Variants in ABHD2 observed in about 807,000 individuals in gnomAD.
ABHD2 encodes abhydrolase domain containing 2, acylglycerol lipase, also known as monoacylglycerol lipase ABHD2.
ABHD2 carries 20 observed loss-of-function variants against 48.1 expected under a neutral mutation model. The ratio of observed to expected loss-of-function variants is 0.42; its 90% CI spans 0.29 to 0.60. The LOEUF (loss-of-function observed/expected upper bound fraction) is 0.60. Among genes scored for constraint, ABHD2 ranks in the 20% least tolerant of loss-of-function variants. The pLI is 0.24. For missense variants in ABHD2, 405 were observed against 550.9 expected (o/e 0.74, Z 2.65); for synonymous variants, 209 against 214.2 (o/e 0.98, Z 0.21).
At chr15:89,125,496 A>G (rs911615935) in intron 3 of ABHD2, among the ~76,000 whole-genome samples, 1 of 152,376 alleles carries the variant, frequency 6.6e-6, no homozygotes, top group East Asian at 1.9e-4. Flanking sequence ...AGGCAATTTC[A>G]TCTTAAAATT....
In ABHD2 at chr15:89,103,136, C is replaced by T. The variant is rs565026181; in HGVS notation, c.-106-10589C>T. Among the ~76,000 whole-genome samples the T allele has an allele frequency of 1.6e-3, 243 of 152,334 alleles. 3 individuals are homozygous for T. Among genetic ancestry groups the T allele is most frequent in the African/African-American group, 5.5e-3 (230 of 41,572 alleles). On this transcript the variant is annotated intron_variant, in intron 1 of 10. Coordinates refer to ENST00000352732, the MANE Select transcript of ABHD2 (RefSeq NM_152924.5). ...TTTAGTTTTTAGATCATTCGGTATC[C>T]TCAATGCAAAGATGTGATAAAGTCA...
At chr15:89,131,236 G>A (rs978438636) in intron 3 of ABHD2, among the ~76,000 whole-genome samples, 4 of 152,148 alleles carry the variant, frequency 2.6e-5, no homozygotes, top group African/African-American at 4.8e-5. Flanking sequence ...TATTCCTTGT[G>A]TTCTAGACAC....
intron 3 of ABHD2, among the ~76,000 whole-genome samples, chr15:89,141,343 A>G (rs1263568467): frequency 6.6e-6 from 1 of 152,082 alleles, no homozygotes; most frequent in Non-Finnish European, 1.5e-5. Flanking sequence ...CACTATAAAA[A>G]CAGAACGGCC....
In ABHD2 at chr15:89,147,974, G is replaced by A. The variant is rs116674858; in HGVS notation, c.195-3703G>A. On this transcript the variant is annotated intron_variant, in intron 3 of 10. Coordinates refer to ENST00000352732, the MANE Select transcript of ABHD2 (RefSeq NM_152924.5). ...TCTACTAAGAATACAAAAATCAGCC[G>A]GGCGTGATGACATGCGTGCCTGTAA... 6.8e-4 allele frequency among the ~76,000 whole-genome samples: 103 copies of A among 151,356 alleles called. 1 individual carries two copies. The highest frequency in any genetic ancestry group is 2.2e-3 in the African/African-American group (93 of 41,376).
chr15:89,044,546 C>A, the ABHD2 span, among the ~76,000 whole-genome samples: 1 of 151,732 alleles, frequency 6.6e-6, no homozygotes, highest in East Asian at 1.9e-4. Flanking sequence ...CCTATTTCTC[C>A]ACATCCTCTC....
intron 3 of ABHD2, among the ~76,000 whole-genome samples, chr15:89,136,946 G>A (rs1400813306): frequency 2.0e-5 from 3 of 152,180 alleles, no homozygotes; most frequent in Non-Finnish European, 1.5e-5. Context: ...GACAAGACAC[G>A]GGTGCTCTGT....
At chr15:89,059,587 T>C in the ABHD2 span, among the ~76,000 whole-genome samples, 1 of 152,156 alleles carries the variant, frequency 6.6e-6, no homozygotes, top group Non-Finnish European at 1.5e-5. Context: ...TTGGAGAATT[T>C]AACTCTCTCA....
At chr15:89,081,905 G>A in the ABHD2 span, among the ~76,000 whole-genome samples, 5 of 152,186 alleles carry the variant, frequency 3.3e-5, no homozygotes, top group African/African-American at 9.7e-5. Flanking sequence ...TGATTTTAAT[G>A]TAATTAGAAT....
At chr15:89,059,062 G>A in the ABHD2 span, among the ~76,000 whole-genome samples, 2 of 152,186 alleles carry the variant, frequency 1.3e-5, no homozygotes, top group Non-Finnish European at 2.9e-5. Context: ...GCAGAGAGCT[G>A]CCAAGTTGCT....
chr15:89,128,168 T>A (rs1596091158), intron 3 of ABHD2, among the ~76,000 whole-genome samples: 1 of 152,194 alleles, frequency 6.6e-6, no homozygotes, highest in Admixed American at 6.5e-5. Context: ...AGGTAAGTGA[T>A]AAAGGAATTT....
chr15:89,115,006 T>C (rs1287756661), intron 2 of ABHD2, among the ~76,000 whole-genome samples: 1 of 152,240 alleles, frequency 6.6e-6, no homozygotes, highest in Admixed American at 6.5e-5. Flanking sequence ...ACCTCGAGTT[T>C]AGAAAAGGGT....
At chr15:89,124,304 A>G (rs773539736) in intron 3 of ABHD2, among the ~76,000 whole-genome samples, 41 of 152,304 alleles carry the variant, frequency 2.7e-4, no homozygotes, top group Non-Finnish European at 5.3e-4. Context: ...GGCAGTACCA[A>G]TGCAGAGGCT....
chr15:89,041,381 G>A, the ABHD2 span: 1 of 152,138 alleles, frequency 6.6e-6, no homozygotes. Context: ...TCTGAGTTTC[G>A]GATTGAATTC....
intron 5 of ABHD2, among the ~76,000 whole-genome samples, chr15:89,165,315 C>G (rs2050821758): frequency 6.6e-6 from 1 of 151,520 alleles, no homozygotes; most frequent in Admixed American, 6.6e-5. Context: ...TAAAAAAATT[C>G]CTCACACTTA....
chr15:89,110,094 TA>T (rs2049849261), intron 1 of ABHD2, among the ~76,000 whole-genome samples: 2 of 152,220 alleles, frequency 1.3e-5, no homozygotes, highest in Non-Finnish European at 1.5e-5. Flanking sequence ...TCTTTTTTTT[TA>T]TTTTTTAAGA....
At chr15:89,053,432 C>T in the ABHD2 span, among the ~76,000 whole-genome samples, 1 of 152,180 alleles carries the variant, frequency 6.6e-6, no homozygotes, top group African/African-American at 2.4e-5. Context: ...TAGAACTGAC[C>T]AGGCCAGGGA....
At chr15:89,057,543 G>T in the ABHD2 span, among the ~76,000 whole-genome samples, 1 of 152,120 alleles carries the variant, frequency 6.6e-6, no homozygotes, top group Non-Finnish European at 1.5e-5. Context: ...TGCTATTTTT[G>T]GTAAGAGGGT....
chr15:89,093,788 C>G (rs1200183483), intron 1 of ABHD2: 2 of 152,238 alleles, frequency 1.3e-5, no homozygotes, highest in Non-Finnish European at 2.9e-5. Flanking sequence ...AAGGGTTCCA[C>G]TGATGCCGAC....
rs2049912308 is a variant in ABHD2, at chr15:89,113,745, AG to A, written c.-85del. 1 of 152,214 alleles carries A rather than the reference AG, an allele frequency of 6.6e-6. No homozygotes were observed. The highest frequency in any genetic ancestry group is 1.5e-5 in the Non-Finnish European group (1 of 68,034). 9.4% of individuals were successfully genotyped at this position (152,214 alleles called of 1,614,324 possible). A position where few individuals can be genotyped will look rare whatever the true frequency, so the allele number is the denominator to read the frequency against. On this transcript the variant is annotated 5_prime_UTR_variant, in exon 2 of 11. Transcript: ENST00000352732. The stretch of plus-strand genomic sequence containing the variant: ...TTTAGCTTTTAGGTTTGTTTGAATA[AG>A]AGATCTGACCTGACCGGCCCAACTG...
Sources: gnomAD v4.1 joint callset for allele counts (sites outside exome capture counted in the v4.1 genomes callset) on GRCh38, gnomAD v4.1.1 for gene constraint, MANE v1.5 for transcripts, NCBI Gene and HGNC (gene_info 2026-07-23, HGNC 2026-07-21) for gene names.